Variants in LIMCH1 observed in about 807,000 individuals in gnomAD.
LIMCH1 encodes the protein LIM and calponin homology domains-containing protein 1.
A neutral mutation model predicts 176.5 loss-of-function variants in LIMCH1; 113 were observed. The observed-to-expected ratio is 0.64, with a 90% CI of 0.55 to 0.75. LIMCH1 has a LOEUF of 0.75. LIMCH1 is among the 30% of genes least tolerant of loss of function. The pLI is 0.00. For synonymous variants in LIMCH1, 619 were observed against 645.9 expected (o/e 0.96, Z 0.63); for missense variants, 1,674 against 1,814.9 (o/e 0.92, Z 1.41).
chr4:41,525,662 A>G (rs1206912894), intron 3 of LIMCH1, among the ~76,000 whole-genome samples: 1 of 152,210 alleles, frequency 6.6e-6, no homozygotes, highest in Non-Finnish European at 1.5e-5. Flanking sequence ...CAAATAAGTT[A>G]GTTAATATCG....
At chr4:41,566,229 A>G (rs2082751488) in intron 1 of LIMCH1, among the ~76,000 whole-genome samples, 1 of 152,162 alleles carries the variant, frequency 6.6e-6, no homozygotes, top group African/African-American at 2.4e-5. Context: ...TAATGTTGAT[A>G]TTTTGAGCCT....
At chr4:41,494,544 T>C in exon 2 of LIMCH1, 6 of 1,612,520 alleles carry the variant, frequency 3.7e-6, no homozygotes, top group Non-Finnish European at 4.2e-6. Flanking sequence ...AGCAAGTAAC[T>C]GGCAGAAGTT....
At chr4:41,371,109 G>C (rs1437463850) in intron 1 of LIMCH1, among the ~76,000 whole-genome samples, 4 of 152,128 alleles carry the variant, frequency 2.6e-5, no homozygotes, top group Non-Finnish European at 5.9e-5. Context: ...GGACCCTTTA[G>C]AAGTAAAAGC....
chr4:41,692,349 T>C lies in LIMCH1; in HGVS notation c.4343T>C (p.Leu1448Pro), dbSNP rs778680546. Reference sequence around the variant, plus strand: ...ACGGATGTTAGGATTCGAAATGGTCTCCTGAACTGTAATGATTGCTACATG... The same window carrying C: ...ACGGATGTTAGGATTCGAAATGGTCCCCTGAACTGTAATGATTGCTACATG... The part of the protein sequence containing the change: ...SGTDVRIRNG[L>P]LNCNDCYMRS... Residue 1448 changes from leucine (L) to proline (P), a missense_variant, in exon 31 of 32, where the codon CTC becomes CCC. Leu to Pro is a moderately conservative substitution (Grantham distance 98, BLOSUM62 -3). Transcript: ENST00000503057. The C allele has an allele frequency of 6.2e-7, 1 of 1,613,222 alleles. No individual in the cohort carries two copies. The highest frequency in any genetic ancestry group is 8.5e-7 in the Non-Finnish European group (1 of 1,179,300).
chr4:41,685,979 T>TGAG, intron 28 of LIMCH1, 149 bp downstream of exon 28: 2 of 827,884 alleles, frequency 2.4e-6, no homozygotes, highest in Non-Finnish European at 3.7e-6. Flanking sequence ...AGGTAGTCAA[T>TGAG]ATAAATGGAA....
intron 1 of LIMCH1, among the ~76,000 whole-genome samples, chr4:41,470,772 T>C (rs2066837835): frequency 6.6e-6 from 1 of 152,194 alleles, no homozygotes; most frequent in African/African-American, 2.4e-5. Context: ...ATTCAGTCCT[T>C]GGACCTCTTC....
Position 41,554,024 on chromosome 4 carries a change from A to G in LIMCH1, c.-241+15674A>G, listed in dbSNP as rs570963138. On this transcript the variant is annotated intron_variant, in intron 1 of 31. Coordinates refer to ENST00000503057, the MANE Select transcript of LIMCH1 (RefSeq NM_001330672.2). The stretch of plus-strand genomic sequence containing the variant: ...CCAGCTTTGTTGGTTTCCAAGCTCA[A>G]ATTCACTGAAGCCTGTTCTTTTCAT... Among the ~76,000 whole-genome samples the G allele has an allele frequency of 1.4e-4, 22 of 152,294 alleles. No homozygotes were observed. The South Asian group carries it at 3.7e-3, about 26-fold the overall frequency.
intron 1 of LIMCH1, among the ~76,000 whole-genome samples, chr4:41,567,808 G>A (rs1053731110): frequency 6.6e-6 from 1 of 152,104 alleles, no homozygotes; most frequent in South Asian, 2.1e-4. Flanking sequence ...GTGCTTAAGT[G>A]GCATCAGAAA....
intron 2 of LIMCH1, among the ~76,000 whole-genome samples, chr4:41,507,497 C>A (rs760822981): frequency 6.6e-6 from 1 of 152,122 alleles, no homozygotes; most frequent in Non-Finnish European, 1.5e-5. Context: ...AGGAGTTCTG[C>A]GTCAGCAACT....
At chr4:41,546,330 G>A (rs966054527) in intron 1 of LIMCH1, among the ~76,000 whole-genome samples, 1 of 151,884 alleles carries the variant, frequency 6.6e-6, no homozygotes, top group African/African-American at 2.4e-5. Flanking sequence ...ATAGAGATGG[G>A]GTTTCACCAT....
chr4:41,449,120 G>A (rs1403989528), intron 1 of LIMCH1, among the ~76,000 whole-genome samples: 3 of 151,998 alleles, frequency 2.0e-5, no homozygotes, highest in African/African-American at 7.3e-5. Context: ...TACAGGCCCA[G>A]TTTGGTCTGG....
intron 31 of LIMCH1, among the ~76,000 whole-genome samples, chr4:41,694,472 GT>G (rs1438471089): frequency 2.6e-5 from 4 of 152,148 alleles, no homozygotes; most frequent in Non-Finnish European, 5.9e-5. Context: ...TTTCACATAG[GT>G]GATGATCATA....
chr4:41,621,866 A>C (rs1356068828), intron 7 of LIMCH1, among the ~76,000 whole-genome samples: 1 of 152,130 alleles, frequency 6.6e-6, no homozygotes, highest in Non-Finnish European at 1.5e-5. Flanking sequence ...TGCCTCCCAC[A>C]CATTTTCCAT....
chr4:41,605,999 C>T lies in LIMCH1; in HGVS notation c.4C>T (p.Arg2Ter), dbSNP rs1001272864. M[R>*]KDTDDIESPK... ...GTTTGAAGGATTGTTGGCTCAGATG[C>T]GAAAGGTAACTTGGCTTTTCTTCTT... The change falls in exon 4 of 32, where the codon CGA becomes TGA. Residue 2 changes from arginine (R) to a stop codon, truncating the protein, a stop_gained. Coordinates refer to ENST00000503057, the MANE Select transcript of LIMCH1 (RefSeq NM_001330672.2). LOFTEE classifies it high-confidence loss of function. The T allele has an allele frequency of 3.1e-6, 5 of 1,608,494 alleles. No homozygotes were observed. Among genetic ancestry groups the T allele is most frequent in the Non-Finnish European group, 3.4e-6 (4 of 1,175,212 alleles).
chr4:41,479,394 T>G (rs887122705), intron 1 of LIMCH1, among the ~76,000 whole-genome samples: 2 of 152,150 alleles, frequency 1.3e-5, no homozygotes, highest in Non-Finnish European at 2.9e-5. Context: ...TGGGTCTACA[T>G]GCATGTACCA....
chr4:41,510,000 C>T (rs919197679), intron 2 of LIMCH1, among the ~76,000 whole-genome samples: 45 of 152,204 alleles, frequency 3.0e-4, no homozygotes, highest in Admixed American at 1.4e-3. Flanking sequence ...AAAAATTATA[C>T]GATCCTTGTC....
Position 41,401,083 on chromosome 4 carries a change from G to A in LIMCH1, c.96+40147G>A, listed in dbSNP as rs1032761373. 2.6e-5 allele frequency among the ~76,000 whole-genome samples: 4 copies of A among 152,318 alleles called. 1 individual carries two copies. The highest frequency in any genetic ancestry group is 9.6e-5 in the African/African-American group (4 of 41,572). ...GGCTTTTGTTGCCATTGCTTTTGGT[G>A]TTTTACACATGAAGTCCTTGCCCAT... On this transcript the variant is annotated intron_variant, in intron 1 of 26. Transcript: ENST00000313860.
chr4:41,633,085 TGTGAGCATCTTGCCTGCGCTCTGCTCC>T lies in LIMCH1; in HGVS notation c.1829+4_1829+30del. 1 of 1,530,762 alleles carries T rather than the reference TGTGAGCATCTTGCCTGCGCTCTGCTCC, an allele frequency of 6.5e-7. No homozygotes were observed. Among genetic ancestry groups the T allele is most frequent in the Non-Finnish European group, 8.7e-7 (1 of 1,142,890 alleles). The allele number at this position is 1,530,762 out of a possible 1,614,324, so 94.8% of individuals were successfully genotyped here. A position where few individuals can be genotyped will look rare whatever the true frequency, so the allele number is the denominator to read the frequency against. On this transcript the variant is annotated splice_donor_variant and splice_donor_5th_base_variant and intron_variant, in intron 12 of 31. Coordinates refer to ENST00000503057, the MANE Select transcript of LIMCH1 (RefSeq NM_001330672.2). LOFTEE classifies it high-confidence loss of function. ...AGATCAGAGGACAGCAGCCAGCCACTGTGAGCATCTTGCCTGCGCTCTGCTCCGTGGTGTGTTGCCCCTGCTGTGTGT... is the reference window on the plus strand; with the variant it reads ...AGATCAGAGGACAGCAGCCAGCCACTGTGGTGTGTTGCCCCTGCTGTGTGT...
intron 19 of LIMCH1, among the ~76,000 whole-genome samples, chr4:41,662,539 G>T (rs1403603818): frequency 6.6e-6 from 1 of 152,162 alleles, no homozygotes; most frequent in African/African-American, 2.4e-5. Flanking sequence ...GTTCCATGTG[G>T]TGTTATTCAG....
Sources: allele counts gnomAD v4.1 joint callset (sites outside exome capture counted in the v4.1 genomes callset), GRCh38; gene constraint gnomAD v4.1.1; transcripts MANE v1.5; gene names NCBI Gene and HGNC (gene_info 2026-07-23, HGNC 2026-07-21).